Variants in ABCA9 observed in about 807,000 individuals in gnomAD.
ABCA9 encodes ATP-binding cassette sub-family A member 9.
Under a neutral mutation model 205.3 loss-of-function variants are expected in ABCA9, and 183 were observed. The observed-to-expected ratio is 0.89, with a 90% CI of 0.79 to 1.01. The LOEUF (loss-of-function observed/expected upper bound fraction) is 1.01, where lower values mean the gene tolerates loss of function less well. Ranked by LOEUF, ABCA9 falls within the 50% of genes least tolerant of loss-of-function variation. The pLI is 0.00. For missense variants in ABCA9, 1,805 were observed against 1,912.4 expected (o/e 0.94, Z 1.05); for synonymous variants, 651 against 683.3 (o/e 0.95, Z 0.74).
chr17:68,995,936 G>C lies in ABCA9; in HGVS notation c.3514C>G (p.Pro1172Ala), dbSNP rs766558504. The change falls in exon 26 of 39, where the codon CCT becomes GCT. Residue 1172 changes from proline to alanine, a missense_variant. By Grantham distance (27) the Pro-to-Ala change is conservative (BLOSUM62 -1). Transcript: ENST00000340001. Reference sequence around the variant, plus strand: ...AGAGAGCCAATCAATGTGAAGGGAGGTATTAACATGGTGCCAAAAAATAGC... The same window carrying C: ...AGAGAGCCAATCAATGTGAAGGGAGCTATTAACATGGTGCCAAAAAATAGC... ...LGLFFGTMLI[P>A]PFTLIGSLFI... 2 of 1,613,760 alleles carry C rather than the reference G, an allele frequency of 1.2e-6. No individual in the cohort carries two copies. Among genetic ancestry groups the C allele is most frequent in the South Asian group, 2.2e-5 (2 of 91,080 alleles).
the ABCA9 span, among the ~76,000 whole-genome samples, chr17:69,075,269 T>C: frequency 6.6e-6 from 1 of 152,194 alleles, no homozygotes; most frequent in African/African-American, 2.4e-5. Flanking sequence ...TTGTCCATTT[T>C]TGGTTTTGTT....
Position 69,027,430 on chromosome 17 carries a change from T to A in ABCA9, c.1811A>T (p.Glu604Val), listed in dbSNP as rs1282689608. 5 of 1,612,712 alleles carry A rather than the reference T, an allele frequency of 3.1e-6. No individual in the cohort carries two copies. The highest frequency in any genetic ancestry group is 4.2e-6 in the Non-Finnish European group (5 of 1,179,342). ...VEKEVQRVVQ[E>V]LEMENIQDIL... is the part of the protein sequence containing the mutation. ...GTCTTGAATATTTTCCATTTCTAAT[T>A]CCTGTACAACTCGTTGTACCTAATC... Residue 604 changes from glutamate (E) to valine (V), a missense_variant, in exon 14 of 39, where the codon GAA becomes GTA. By Grantham distance (121) the Glu-to-Val change is moderately radical (BLOSUM62 -2). Transcript: ENST00000340001.
chr17:69,015,142 C>A (rs952138383), intron 22 of ABCA9, among the ~76,000 whole-genome samples: 7 of 149,724 alleles, frequency 4.7e-5, no homozygotes, highest in African/African-American at 2.6e-5. Context: ...AGCTAGGACA[C>A]CCTCCCTTTT....
chr17:69,012,000 T>G lies in ABCA9; in HGVS notation c.3123A>C (p.Ala1041=). The stretch of plus-strand genomic sequence containing the variant: ...CTTTGTAGTCACCAATGCTGCTCAT[T>G]GCAATGTATGGAGTGAAAGAGGCTG... ...PMAASFTPYI[A]MSSIGDYKKK... Residue 1041 remains alanine (A), a synonymous_variant, in exon 23 of 39, where the codon GCA becomes GCC. Transcript: ENST00000340001. The G allele has an allele frequency of 6.2e-7, 1 of 1,612,382 alleles. No homozygotes were observed. The highest frequency in any genetic ancestry group is 2.2e-5 in the East Asian group (1 of 44,822).
At chr17:69,003,618 G>C (rs996919265) in intron 25 of ABCA9, among the ~76,000 whole-genome samples, 2 of 146,622 alleles carry the variant, frequency 1.4e-5, no homozygotes, top group Admixed American at 6.9e-5. Context: ...TTCTCGAGGA[G>C]TATCTTTGTG....
rs2070931628 is a variant in ABCA9 at position 69,024,913 on chromosome 17, A to G, written c.2142-560T>C. On this transcript the variant is annotated intron_variant, in intron 16 of 38. Coordinates refer to ENST00000340001, the MANE Select transcript of ABCA9 (RefSeq NM_080283.4). ...TAAGAATATATAAAATTACTCATGA[A>G]ATTATTTGATTTTTGAAACTCCACT... is the stretch of plus-strand genomic sequence containing the variant. 2.0e-5 allele frequency among the ~76,000 whole-genome samples: 3 copies of G among 152,158 alleles called. No individual in the cohort carries two copies. In the South Asian group the frequency reaches 6.2e-4, roughly 31 times the overall value.
intron 27 of ABCA9, 84 bp downstream of exon 27, chr17:68,992,932 A>C: frequency 1.8e-5 from 20 of 1,132,412 alleles, no homozygotes; most frequent in Non-Finnish European, 2.6e-5. Context: ...AAACCTTCTT[A>C]ATTTGATGCA....
At chr17:69,027,555 A>T in intron 13 of ABCA9, 85 bp downstream of exon 13, 4 of 1,557,120 alleles carry the variant, frequency 2.6e-6, no homozygotes, top group Non-Finnish European at 3.5e-6. Flanking sequence ...AATTTAGATG[A>T]GGAATTATGT....
At chr17:69,004,016 C>A (rs1322322555) in intron 25 of ABCA9, among the ~76,000 whole-genome samples, 1 of 152,098 alleles carries the variant, frequency 6.6e-6, no homozygotes, top group Non-Finnish European at 1.5e-5. Context: ...GTTATACTTT[C>A]TTCTAAATTT....
At chr17:69,016,509 G>A in intron 21 of ABCA9, 119 bp from the exon 22 acceptor site, 1 of 841,968 alleles carries the variant, frequency 1.2e-6, no homozygotes, top group Non-Finnish European at 1.7e-6. Context: ...AGCACTGAAT[G>A]TGATTAATAT....
Position 69,033,384 on chromosome 17 carries a change from C to A in ABCA9, c.1276+342G>T, listed in dbSNP as rs1437220479. On this transcript the variant is annotated intron_variant, in intron 9 of 38. Coordinates refer to ENST00000340001, the MANE Select transcript of ABCA9 (RefSeq NM_080283.4). Reference sequence around the variant, plus strand: ...CAATTATAATATTTTTACTAATAACCCACTATTGTATATCAAGTGAGTTAA... The same window carrying A: ...CAATTATAATATTTTTACTAATAACACACTATTGTATATCAAGTGAGTTAA... 3 of 160,252 alleles carry A rather than the reference C, an allele frequency of 1.9e-5. No individual in the cohort carries two copies. In the East Asian group the frequency reaches 5.1e-4, roughly 27 times the overall value. The allele number at this position is 160,252 out of a possible 1,614,324, so 9.9% of individuals were successfully genotyped here. A position where few individuals can be genotyped will look rare whatever the true frequency, so the allele number is the denominator to read the frequency against.
At chr17:68,986,534 C>A in intron 31 of ABCA9, 1 of 413,738 alleles carries the variant, frequency 2.4e-6, no homozygotes, top group Non-Finnish European at 4.2e-6. Flanking sequence ...GTAGTGTAGA[C>A]TTTACTACCA....
chr17:69,045,105 C>A (rs1317839420), intron 4 of ABCA9, 67 bp downstream of exon 4: 2 of 1,351,940 alleles, frequency 1.5e-6, no homozygotes, highest in Admixed American at 4.0e-5. Flanking sequence ...CCTCTGCTAT[C>A]AGGTATGCCC....
intron 6 of ABCA9, among the ~76,000 whole-genome samples, chr17:69,041,713 A>T (rs979636173): frequency 0.021 from 5 of 238 alleles, no homozygotes; most frequent in South Asian, 0.062. Flanking sequence ...CAAAAAAATA[A>T]AAAAAAAGAA....
At chr17:68,987,538 A>G (rs2069276174) in intron 31 of ABCA9, among the ~76,000 whole-genome samples, 1 of 152,180 alleles carries the variant, frequency 6.6e-6, no homozygotes, top group South Asian at 2.1e-4. Flanking sequence ...AGCCAAGCAC[A>G]TGAGGAGCCA....
chr17:69,044,763 A>C (rs972078682), intron 4 of ABCA9, among the ~76,000 whole-genome samples, 163 bp from the exon 5 acceptor site: 2 of 152,224 alleles, frequency 1.3e-5, no homozygotes, highest in Non-Finnish European at 2.9e-5. Flanking sequence ...AATATAGCAG[A>C]ATTACTTTAC....
At chr17:69,018,742 T>A (rs1383212371) in intron 19 of ABCA9, among the ~76,000 whole-genome samples, 163 bp from the exon 20 acceptor site, 1 of 151,986 alleles carries the variant, frequency 6.6e-6, no homozygotes, top group Non-Finnish European at 1.5e-5. Context: ...ATGAGATGGG[T>A]CATATGTATC....
At chr17:69,047,750 C>T (rs376193893) in intron 3 of ABCA9, among the ~76,000 whole-genome samples, 1 of 152,178 alleles carries the variant, frequency 6.6e-6, no homozygotes, top group Non-Finnish European at 1.5e-5. Flanking sequence ...GTTGCAAAAC[C>T]TGTCACAGTT....
rs1423598525 is a variant in ABCA9 at position 69,020,389 on chromosome 17, T to G, written c.2599A>C (p.Ile867Leu). ...LKKERKSLWT[I>L]LLLFGISFIP... ...AATCTGAAACACTCAGATACTCACA[T>G]AGTCCACAGGCTTTTTCTTTCTTTC... Residue 867 changes from isoleucine (I) to leucine (L), a missense_variant and splice_region_variant, in exon 19 of 39, where the codon ATA becomes CTA. By Grantham distance (5) the Ile-to-Leu change is conservative. Transcript: ENST00000340001. The G allele has an allele frequency of 1.2e-6, 2 of 1,610,840 alleles. No individual in the cohort carries two copies. The highest frequency in any genetic ancestry group is 1.3e-5 in the African/African-American group (1 of 74,734).
Sources: gnomAD v4.1 joint callset for allele counts (sites outside exome capture counted in the v4.1 genomes callset) on GRCh38, gnomAD v4.1.1 for gene constraint, MANE v1.5 for transcripts, NCBI Gene and HGNC (gene_info 2026-07-23, HGNC 2026-07-21) for gene names.